LHFPL3: variants seen among roughly 807,000 people sequenced by gnomAD.
LHFPL3 encodes the protein LHFPL tetraspan subfamily member 3 protein.
Under a neutral mutation model 19.3 loss-of-function variants are expected in LHFPL3, and 5 were observed. The observed-to-expected ratio is 0.26, with a 90% CI of 0.14 to 0.54. The LOEUF is 0.54. LHFPL3 is among the 20% of genes least tolerant of loss of function. The pLI, the probability that LHFPL3 is intolerant of heterozygous loss-of-function variation, is 0.94. For missense variants in LHFPL3, 249 were observed against 307.4 expected (o/e 0.81, Z 1.42); for synonymous variants, 133 against 126.2 (o/e 1.05, Z -0.36).
intron 1 of LHFPL3, among the ~76,000 whole-genome samples, chr7:104,684,580 A>C (rs977844564): frequency 6.6e-6 from 1 of 152,254 alleles, no homozygotes; most frequent in East Asian, 1.9e-4. Flanking sequence ...ATAATTGTAA[A>C]ATCCCAGGCT....
At chr7:104,849,158 T>G (rs1791368927) in intron 2 of LHFPL3, among the ~76,000 whole-genome samples, 1 of 152,190 alleles carries the variant, frequency 6.6e-6, no homozygotes. Flanking sequence ...CTTGAACTCC[T>G]GGGCTCAAGC....
At chr7:104,410,053 C>G (rs1791503463) in intron 1 of LHFPL3, among the ~76,000 whole-genome samples, 1 of 152,104 alleles carries the variant, frequency 6.6e-6, no homozygotes, top group Non-Finnish European at 1.5e-5. Flanking sequence ...CCACTTGAAA[C>G]GTGGTCCATA....
intron 1 of LHFPL3, among the ~76,000 whole-genome samples, chr7:104,375,248 G>T (rs985801396): frequency 2.6e-5 from 4 of 152,148 alleles, no homozygotes; most frequent in African/African-American, 9.7e-5. Flanking sequence ...TGAGGCAGGA[G>T]AATCACTTGA....
At chr7:104,343,519 A>G (rs1790001154) in intron 1 of LHFPL3, among the ~76,000 whole-genome samples, 1 of 26,320 alleles carries the variant, frequency 3.8e-5, no homozygotes, top group Non-Finnish European at 6.0e-5. Flanking sequence ...TCTCAAAAAA[A>G]AAAAAAAAAA....
At chr7:104,602,050 T>G (rs909406688) in intron 1 of LHFPL3, among the ~76,000 whole-genome samples, 5 of 104,862 alleles carry the variant, frequency 4.8e-5, no homozygotes, top group African/African-American at 1.8e-4. Context: ...TCTGACAGCC[T>G]TGCTCTGTCA....
chr7:104,648,748 T>TGG (rs1791975257), intron 1 of LHFPL3, among the ~76,000 whole-genome samples: 3 of 152,202 alleles, frequency 2.0e-5, no homozygotes, highest in Non-Finnish European at 2.9e-5. Flanking sequence ...GCCGCCTGTG[T>TGG]GGGGAGTGCT....
At chr7:104,845,294 T>G in intron 2 of LHFPL3, 2 of 765,164 alleles carry the variant, frequency 2.6e-6, no homozygotes, top group South Asian at 1.5e-5. Flanking sequence ...TAGCCAGGAA[T>G]GACGTTGTCA....
At chr7:104,337,131 G>A (rs146784462) in intron 1 of LHFPL3, among the ~76,000 whole-genome samples, 1,832 of 152,018 alleles carry the variant, frequency 0.012, 42 homozygotes, top group African/African-American at 0.042. Flanking sequence ...CTGCAAAATC[G>A]AAATGGGAAA....
intron 2 of LHFPL3, among the ~76,000 whole-genome samples, chr7:104,879,294 T>C (rs1230222627): frequency 6.6e-6 from 1 of 152,092 alleles, no homozygotes; most frequent in Non-Finnish European, 1.5e-5. Context: ...CACATACCTG[T>C]AGTACCAGCT....
chr7:104,580,872 T>C (rs766145523), intron 1 of LHFPL3, among the ~76,000 whole-genome samples: 13 of 152,100 alleles, frequency 8.5e-5, no homozygotes, highest in Non-Finnish European at 1.8e-4. Flanking sequence ...ATCACAATTA[T>C]TTTTTATCTT....
intron 2 of LHFPL3, among the ~76,000 whole-genome samples, chr7:104,791,645 G>C (rs750336158): frequency 6.6e-6 from 1 of 152,064 alleles, no homozygotes; most frequent in African/African-American, 2.4e-5. Context: ...TGGAACTGCC[G>C]GTTGCCTGGC....
chr7:104,856,435 A>T lies in LHFPL3; in HGVS notation c.683-49752A>T, dbSNP rs147120626. 3.7e-3 allele frequency among the ~76,000 whole-genome samples: 564 copies of T among 151,992 alleles called. 7 individuals carry two copies. The highest frequency in any genetic ancestry group is 0.013 in the African/African-American group (542 of 41,434). The stretch of plus-strand genomic sequence containing the variant: ...CAGCTAATTTTTGTATTTTTAGTAG[A>T]AACAGCGTTTCACCATGTTGGTCAG... On this transcript the variant is annotated intron_variant, in intron 2 of 2. Coordinates refer to ENST00000424859, the MANE Select transcript of LHFPL3 (RefSeq NM_199000.3).
chr7:104,488,465 G>A lies in LHFPL3; in HGVS notation c.445+159241G>A, dbSNP rs116293951. Among the ~76,000 whole-genome samples, 277 of 152,070 alleles carry A rather than the reference G, an allele frequency of 1.8e-3. 2 individuals are homozygous for A. Among genetic ancestry groups the A allele is most frequent in the African/African-American group, 6.3e-3 (261 of 41,482 alleles). On this transcript the variant is annotated intron_variant, in intron 1 of 2. Coordinates refer to ENST00000424859, the MANE Select transcript of LHFPL3 (RefSeq NM_199000.3). Reference sequence around the variant, plus strand: ...AAGGCAGTCATACCACTTTTTATCTGGTCCACTTGATTTTTGGATCCCAGG... The same window carrying A: ...AAGGCAGTCATACCACTTTTTATCTAGTCCACTTGATTTTTGGATCCCAGG...
At chr7:104,671,186 G>A (rs537109893) in intron 1 of LHFPL3, among the ~76,000 whole-genome samples, 1 of 152,002 alleles carries the variant, frequency 6.6e-6, no homozygotes, top group East Asian at 1.9e-4. Flanking sequence ...TAATTGGTGT[G>A]GATTGGCCAG....
intron 1 of LHFPL3, among the ~76,000 whole-genome samples, chr7:104,565,550 A>G (rs1309637949): frequency 3.3e-5 from 5 of 152,222 alleles, no homozygotes; most frequent in Admixed American, 3.3e-4. Context: ...GAGAAATGAA[A>G]GCTGTTAGAA....
At chr7:104,752,372 G>GA (rs1478750391) in intron 2 of LHFPL3, among the ~76,000 whole-genome samples, 1 of 151,064 alleles carries the variant, frequency 6.6e-6, no homozygotes, top group Non-Finnish European at 1.5e-5. Flanking sequence ...ATCAGAAACT[G>GA]AAACGCTATC....
At chr7:104,833,041 A>ATATC (rs1790999888) in intron 2 of LHFPL3, among the ~76,000 whole-genome samples, 1 of 5,672 alleles carries the variant, frequency 1.8e-4, no homozygotes, top group Non-Finnish European at 3.3e-4. Flanking sequence ...TTATATATAT[A>ATATC]TATTATATAT....
At chr7:104,403,112 T>C (rs891260601) in intron 1 of LHFPL3, among the ~76,000 whole-genome samples, 1 of 152,126 alleles carries the variant, frequency 6.6e-6, no homozygotes, top group Non-Finnish European at 1.5e-5. Flanking sequence ...GGTTGATGGG[T>C]GCAGCAAACC....
rs34510317 is a variant in LHFPL3 at position 104,858,960 on chromosome 7, T to TA, written c.683-47213dup. 4.3e-3 allele frequency among the ~76,000 whole-genome samples: 643 copies of TA among 149,500 alleles called. 4 individuals carry two copies. Among genetic ancestry groups the TA allele is most frequent in the African/African-American group, 0.014 (581 of 40,630 alleles). ...ACCTTTTCACTCCTAAAATTTTATT[T>TA]AAAAAAAAAAAAAATCTGTTGACAG... On this transcript the variant is annotated intron_variant, in intron 2 of 2. Transcript: ENST00000424859.
Sources: gnomAD v4.1 joint callset for allele counts (sites outside exome capture counted in the v4.1 genomes callset) on GRCh38, gnomAD v4.1.1 for gene constraint, MANE v1.5 for transcripts, NCBI Gene and HGNC (gene_info 2026-07-23, HGNC 2026-07-21) for gene names.